MTMR7: variants seen among roughly 807,000 people sequenced by gnomAD.
MTMR7 encodes the protein myotubularin related protein 7.
A neutral mutation model predicts 81.2 loss-of-function variants in MTMR7; 76 were observed. That is an observed-to-expected ratio of 0.94 (90% CI 0.78 to 1.13). The LOEUF is 1.13. Among genes scored for constraint, MTMR7 ranks in the 50% most tolerant of loss-of-function variants. The pLI, the probability that MTMR7 is intolerant of heterozygous loss-of-function variation, is 0.00. For missense variants in MTMR7, 1,044 were observed against 820.0 expected, an observed-to-expected ratio of 1.27 and a Z score of -3.34; for synonymous variants, 372 against 289.8, an observed-to-expected ratio of 1.28 and a Z score of -2.88.
chr8:17,327,671 T>C (rs2285281), intron 7 of MTMR7, among the ~76,000 whole-genome samples: 71,300 of 152,008 alleles, frequency 0.47, 18,183 homozygotes, highest in African/African-American at 0.68. Context: ...AAACCAAATA[T>C]ATTATGTCTG....
chr8:17,323,360 T>C (rs1422027834), intron 7 of MTMR7, among the ~76,000 whole-genome samples: 1 of 152,086 alleles, frequency 6.6e-6, no homozygotes, highest in African/African-American at 2.4e-5. Flanking sequence ...TTATTTTCAC[T>C]AAAAAATAGA....
intron 6 of MTMR7, among the ~76,000 whole-genome samples, chr8:17,334,298 T>G (rs1020790877): frequency 3.3e-5 from 5 of 152,210 alleles, no homozygotes; most frequent in Non-Finnish European, 4.4e-5. Context: ...CTTGGACATT[T>G]TACGTGTATG....
rs1399670369 is a variant in MTMR7 at position 17,331,185 on chromosome 8, T to C, written c.830A>G (p.His277Arg). Residue 277 changes from histidine (H) to arginine (R), a missense_variant, in exon 7 of 14, where the codon CAT becomes CGT. His to Arg is a conservative substitution (Grantham distance 29). Transcript: ENST00000180173. ...TTTCTGCAGACTGTTCCTCATGACATGGATGTTCTCTATCCCGATAAACTG... is the reference window on the plus strand; with the variant it reads ...TTTCTGCAGACTGTTCCTCATGACACGGATGTTCTCTATCCCGATAAACTG... ...KFQFIGIENI[H>R]VMRNSLQKML... 6.2e-7 allele frequency: 1 copy of C among 1,612,930 alleles called. No homozygotes were observed. Among genetic ancestry groups the C allele is most frequent in the East Asian group, 2.2e-5 (1 of 44,806 alleles).
At chr8:17,328,322 A>G (rs146082617) in intron 7 of MTMR7, among the ~76,000 whole-genome samples, 5 of 152,268 alleles carry the variant, frequency 3.3e-5, no homozygotes, top group Admixed American at 6.5e-5. Flanking sequence ...CTTCCTCCCC[A>G]ACACCCAGGA....
chr8:17,367,293 A>C (rs1199487846), intron 3 of MTMR7, among the ~76,000 whole-genome samples: 1 of 152,222 alleles, frequency 6.6e-6, no homozygotes, highest in Non-Finnish European at 1.5e-5. Context: ...TTAAGTGTTG[A>C]AGTACCCACA....
chr8:17,312,927 G>T (rs1487911891), intron 8 of MTMR7, among the ~76,000 whole-genome samples: 1 of 152,154 alleles, frequency 6.6e-6, no homozygotes. Context: ...CATGACTTTT[G>T]CTTATGCCAT....
At chr8:17,318,574 G>T (rs565031804) in intron 7 of MTMR7, among the ~76,000 whole-genome samples, 78 of 152,290 alleles carry the variant, frequency 5.1e-4, no homozygotes, top group African/African-American at 1.9e-3. Flanking sequence ...GTTCCAGGAG[G>T]AATCGCTGTT....
chr8:17,303,249 C>G (rs1299340984), intron 12 of MTMR7, among the ~76,000 whole-genome samples: 3 of 152,154 alleles, frequency 2.0e-5, no homozygotes, highest in Non-Finnish European at 4.4e-5. Context: ...CTGGTCATAT[C>G]TCAACAGCTC....
intron 3 of MTMR7, among the ~76,000 whole-genome samples, chr8:17,369,238 C>A (rs1300321272): frequency 2.0e-5 from 3 of 152,204 alleles, no homozygotes; most frequent in Non-Finnish European, 4.4e-5. Context: ...TTAGTGCACC[C>A]TCCAAAAAGT....
At chr8:17,326,332 TTTAC>T (rs1818676006) in intron 7 of MTMR7, 1 of 152,246 alleles carries the variant, frequency 6.6e-6, no homozygotes, top group East Asian at 1.9e-4. Context: ...TTCAATGAGG[TTTAC>T]TTGAGTAAAT....
chr8:17,298,997 A>ATG lies in MTMR7; in HGVS notation c.*863_*864dup, dbSNP rs1425992409. On this transcript the variant is annotated 3_prime_UTR_variant, in exon 14 of 14. Coordinates refer to ENST00000180173, the MANE Select transcript of MTMR7 (RefSeq NM_004686.5). Reference sequence around the variant, plus strand: ...CTTGAAACTGGATTTTCACTCACAGATGTTTTATCTACTAACTTTATAATG... The same window carrying ATG: ...CTTGAAACTGGATTTTCACTCACAGATGTGTTTTATCTACTAACTTTATAATG... 1 of 152,198 alleles carries ATG rather than the reference A, an allele frequency of 6.6e-6. No individual in the cohort carries two copies. Among genetic ancestry groups the ATG allele is most frequent in the Non-Finnish European group, 1.5e-5 (1 of 68,010 alleles). 9.4% of individuals were successfully genotyped at this position (152,198 alleles called of 1,614,324 possible).
intron 1 of MTMR7, among the ~76,000 whole-genome samples, chr8:17,393,801 G>A (rs912034473): frequency 7.9e-5 from 12 of 152,130 alleles, no homozygotes; most frequent in Admixed American, 2.6e-4. Context: ...ACTCTGACAC[G>A]TTTATTAATG....
At chr8:17,382,555 T>C (rs73211103) in intron 1 of MTMR7, among the ~76,000 whole-genome samples, 7,020 of 152,312 alleles carry the variant, frequency 0.046, 237 homozygotes, top group Non-Finnish European at 0.071. Context: ...AAAATCTATT[T>C]AGCACATCCA....
At chr8:17,311,878 G>A (rs1220832822) in intron 8 of MTMR7, 6 of 508,892 alleles carry the variant, frequency 1.2e-5, no homozygotes, top group Admixed American at 3.4e-5. Flanking sequence ...TCCAATAAGC[G>A]CATGTACTTA....
intron 7 of MTMR7, among the ~76,000 whole-genome samples, chr8:17,330,503 T>C (rs138829313): frequency 6.6e-6 from 1 of 152,248 alleles, no homozygotes; most frequent in Non-Finnish European, 1.5e-5. Context: ...CTGGTTTTGC[T>C]TGAAATGCAG....
chr8:17,374,804 C>G (rs1820525910), intron 1 of MTMR7, among the ~76,000 whole-genome samples: 1 of 150,518 alleles, frequency 6.6e-6, no homozygotes, highest in East Asian at 2.0e-4. Flanking sequence ...CAGAGTGAGA[C>G]TCCATCTCAA....
intron 1 of MTMR7, among the ~76,000 whole-genome samples, chr8:17,386,948 AG>A (rs1820961387): frequency 6.6e-6 from 1 of 152,190 alleles, no homozygotes; most frequent in African/African-American, 2.4e-5. Context: ...TCTAGTCCCC[AG>A]GATGGCACTC....
At chr8:17,344,991 G>C (rs1162944240) in intron 5 of MTMR7, among the ~76,000 whole-genome samples, 3 of 151,894 alleles carry the variant, frequency 2.0e-5, no homozygotes, top group Admixed American at 1.3e-4. Context: ...GCGTAATAAA[G>C]AACAAAGGCT....
chr8:17,403,895 C>T (rs375355440), intron 1 of MTMR7, among the ~76,000 whole-genome samples: 79 of 152,280 alleles, frequency 5.2e-4, no homozygotes, highest in Middle Eastern at 3.4e-3. Flanking sequence ...CATACATGAA[C>T]GCTACTGCTT....
Sources: allele counts gnomAD v4.1 joint callset (sites outside exome capture counted in the v4.1 genomes callset), GRCh38; gene constraint gnomAD v4.1.1; transcripts MANE v1.5; gene names NCBI Gene and HGNC (gene_info 2026-07-23, HGNC 2026-07-21).